Variants in FRS2 observed in about 807,000 individuals in gnomAD.
The protein encoded by FRS2 is fibroblast growth factor receptor substrate 2.
A neutral mutation model predicts 43.9 loss-of-function variants in FRS2; 8 were observed. The observed-to-expected ratio is 0.18, with a 90% CI of 0.11 to 0.33. The LOEUF (loss-of-function observed/expected upper bound fraction) is 0.33, where lower values mean the gene tolerates loss of function less well. Among genes scored for constraint, FRS2 ranks in the 10% least tolerant of loss-of-function variants. FRS2 has a pLI of 1.00. For synonymous variants in FRS2, 219 were observed against 220.3 expected, an observed-to-expected ratio of 0.99 and a Z score of 0.05; for missense variants, 534 against 627.6, an observed-to-expected ratio of 0.85 and a Z score of 1.59.
rs1881116574 is a variant in FRS2 at position 69,575,319 on chromosome 12, T to C, written c.*364T>C. On this transcript the variant is annotated 3_prime_UTR_variant, in exon 9 of 9. Coordinates refer to ENST00000549921, the MANE Select transcript of FRS2 (RefSeq NM_001278356.2). Reference sequence around the variant, plus strand: ...AACTTTTTATAAAGCCTCTTGACAATGTACATTGCTAACAGGTAACTATAG... The same window carrying C: ...AACTTTTTATAAAGCCTCTTGACAACGTACATTGCTAACAGGTAACTATAG... The C allele has an allele frequency of 5.0e-6, 1 of 199,046 alleles. No homozygotes were observed. The highest frequency in any genetic ancestry group is 1.0e-5 in the Non-Finnish European group (1 of 97,924). 12.3% of individuals were successfully genotyped at this position (199,046 alleles called of 1,614,324 possible).
At chr12:69,510,847 T>C (rs1286459119) in intron 1 of FRS2, among the ~76,000 whole-genome samples, 1 of 152,190 alleles carries the variant, frequency 6.6e-6, no homozygotes, top group Non-Finnish European at 1.5e-5. Flanking sequence ...CCTGCTATAA[T>C]AACATTAGTA....
At chr12:69,564,084 ATTC>A (rs1236184147) in intron 4 of FRS2, among the ~76,000 whole-genome samples, 6 of 151,984 alleles carry the variant, frequency 3.9e-5, no homozygotes, top group African/African-American at 1.4e-4. Flanking sequence ...AGCCCTCTCT[ATTC>A]TTTATTTTCT....
intron 3 of FRS2, among the ~76,000 whole-genome samples, chr12:69,554,938 G>T (rs1226077528): frequency 6.6e-6 from 1 of 151,514 alleles, no homozygotes; most frequent in Non-Finnish European, 1.5e-5. Context: ...TGAATTCCTG[G>T]GCTCAAGCAG....
chr12:69,526,610 T>C (rs1200211466), intron 1 of FRS2, among the ~76,000 whole-genome samples: 4 of 152,174 alleles, frequency 2.6e-5, no homozygotes, highest in Non-Finnish European at 5.9e-5. Context: ...TTAATAGAAC[T>C]AATAATTTCA....
intron 1 of FRS2, among the ~76,000 whole-genome samples, chr12:69,477,902 G>A (rs1414033282): frequency 1.3e-5 from 2 of 150,860 alleles, no homozygotes; most frequent in Admixed American, 6.6e-5. Flanking sequence ...CACCACGCCC[G>A]GCTAATTTTT....
At chr12:69,501,214 A>C (rs1454673718) in intron 1 of FRS2, among the ~76,000 whole-genome samples, 2 of 152,244 alleles carry the variant, frequency 1.3e-5, no homozygotes, top group Non-Finnish European at 1.5e-5. Context: ...TGATGATTAC[A>C]ACCTCCCCCC....
intron 1 of FRS2, chr12:69,480,478 G>C (rs1000881498): frequency 2.0e-5 from 3 of 152,126 alleles, no homozygotes; most frequent in African/African-American, 7.2e-5. Context: ...TGTTAGAGAT[G>C]GGGTGTTGCT....
chr12:69,490,431 GTTTT>G (rs5798936), intron 1 of FRS2, among the ~76,000 whole-genome samples: 2 of 133,348 alleles, frequency 1.5e-5, no homozygotes, highest in African/African-American at 2.8e-5. Context: ...AAATGTGTGG[GTTTT>G]TTTTTTTTTT....
chr12:69,548,914 G>A (rs1417570175), intron 3 of FRS2, among the ~76,000 whole-genome samples: 1 of 152,188 alleles, frequency 6.6e-6, no homozygotes, highest in Admixed American at 6.5e-5. Context: ...TGGTCTGCTG[G>A]TGCCTCCATG....
chr12:69,524,622 G>A lies in FRS2; in HGVS notation c.-260-6243G>A, dbSNP rs914988311. Among the ~76,000 whole-genome samples the A allele has an allele frequency of 2.6e-5, 4 of 152,170 alleles. No homozygotes were observed. In the South Asian group the frequency reaches 8.3e-4, roughly 32 times the overall value. ...TGGCCCTGTTTCATGGACAAGACTG[G>A]CTCTGCAGAGTTCAGATCTGACAGT... On this transcript the variant is annotated intron_variant, in intron 1 of 8. Coordinates refer to ENST00000549921, the MANE Select transcript of FRS2 (RefSeq NM_001278356.2).
chr12:69,573,960 G>T (rs1565785921), intron 8 of FRS2, 45 bp from the exon 9 acceptor site: 5 of 1,346,522 alleles, frequency 3.7e-6, no homozygotes, highest in East Asian at 2.3e-5. Context: ...TTTCAGTTTT[G>T]TTTTTTTAAG....
intron 1 of FRS2, among the ~76,000 whole-genome samples, chr12:69,478,244 A>G (rs1871019448): frequency 6.6e-6 from 1 of 152,178 alleles, no homozygotes; most frequent in South Asian, 2.1e-4. Flanking sequence ...AGATTTTAAA[A>G]TTATCAATGT....
chr12:69,535,397 G>A lies in FRS2; in HGVS notation c.-122+3341G>A, dbSNP rs73341757. Reference sequence around the variant, plus strand: ...TGATGTGTTGATCTTAAATGAGGGCGTAAATGTGATGTATTTAAGATGTGA... The same window carrying A: ...TGATGTGTTGATCTTAAATGAGGGCATAAATGTGATGTATTTAAGATGTGA... On this transcript the variant is annotated intron_variant, in intron 3 of 8. Transcript: ENST00000549921. 5.7e-3 allele frequency among the ~76,000 whole-genome samples: 868 copies of A among 152,194 alleles called. 6 individuals carry two copies. Among genetic ancestry groups the A allele is most frequent in the African/African-American group, 0.02 (834 of 41,514 alleles).
chr12:69,569,095 A>T lies in FRS2; in HGVS notation c.65A>T (p.Lys22Met). ...CCAGATAACCATCGGAACAAGTTTA[A>T]GGTCAGTAAAACTGGTTGAGTTATA... is the stretch of plus-strand genomic sequence containing the variant. ...TVPDNHRNKF[K>M]VINVDDDGNE... The change falls in exon 5 of 9, where the codon AAG becomes ATG. Residue 22 changes from lysine to methionine, a missense_variant and splice_region_variant. Physicochemically the swap from Lys to Met is moderately conservative, Grantham distance 95. Transcript: ENST00000549921. The T allele has an allele frequency of 6.3e-7, 1 of 1,599,592 alleles. No homozygotes were observed. Among genetic ancestry groups the T allele is most frequent in the African/African-American group, 1.3e-5 (1 of 74,732 alleles).
chr12:69,577,186 TACA>T lies in FRS2; in HGVS notation c.*2232_*2234del, dbSNP rs1469565912. On this transcript the variant is annotated 3_prime_UTR_variant, in exon 9 of 9. Coordinates refer to ENST00000549921, the MANE Select transcript of FRS2 (RefSeq NM_001278356.2). ...TTTTAGATAACTCCAATATAATCATTACAGTTTATGCTTTAAATACTATGTGCT... is the reference window on the plus strand; with the variant it reads ...TTTTAGATAACTCCAATATAATCATTGTTTATGCTTTAAATACTATGTGCT... 1 of 152,146 alleles carries T rather than the reference TACA, an allele frequency of 6.6e-6. No homozygotes were observed. Among genetic ancestry groups the T allele is most frequent in the Non-Finnish European group, 1.5e-5 (1 of 68,004 alleles). 9.4% of individuals were successfully genotyped at this position (152,146 alleles called of 1,614,324 possible). A position where few individuals can be genotyped will look rare whatever the true frequency, so the allele number is the denominator to read the frequency against.
intron 3 of FRS2, among the ~76,000 whole-genome samples, chr12:69,538,217 A>ATG (rs1877517802): frequency 5.0e-5 from 6 of 118,944 alleles, no homozygotes; most frequent in African/African-American, 1.5e-4. Context: ...ATATATATAT[A>ATG]TATATAGCAT....
At chr12:69,542,453 GTTAT>G (rs1877999986) in intron 3 of FRS2, among the ~76,000 whole-genome samples, 1 of 152,068 alleles carries the variant, frequency 6.6e-6, no homozygotes, top group Non-Finnish European at 1.5e-5. Flanking sequence ...TAATCTAGAG[GTTAT>G]TTAAAGTATG....
At chr12:69,508,799 A>G (rs1176472513) in intron 1 of FRS2, among the ~76,000 whole-genome samples, 1 of 152,110 alleles carries the variant, frequency 6.6e-6, no homozygotes, top group Non-Finnish European at 1.5e-5. Context: ...TTCATTTTAG[A>G]TAGTAGCTAC....
At chr12:69,559,366 A>G (rs1879691130) in intron 3 of FRS2, among the ~76,000 whole-genome samples, 1 of 152,178 alleles carries the variant, frequency 6.6e-6, no homozygotes, top group African/African-American at 2.4e-5. Context: ...TTTGTAAGTA[A>G]TGTAATTGAT....
Sources: gnomAD v4.1 joint callset for allele counts (sites outside exome capture counted in the v4.1 genomes callset) on GRCh38, gnomAD v4.1.1 for gene constraint, MANE v1.5 for transcripts, NCBI Gene and HGNC (gene_info 2026-07-23, HGNC 2026-07-21) for gene names.